The following AUTS2 variants were observed in gnomAD, a reference collection of about 807,000 sequenced individuals.
The protein encoded by AUTS2 is autism susceptibility gene 2 protein.
A neutral mutation model predicts 112.4 loss-of-function variants in AUTS2; 17 were observed. The ratio of observed to expected loss-of-function variants is 0.15; its 90% CI spans 0.10 to 0.23. The LOEUF (loss-of-function observed/expected upper bound fraction) is 0.23, where lower values mean the gene tolerates loss of function less well. Among genes scored for constraint, AUTS2 ranks in the 10% least tolerant of loss-of-function variants. AUTS2 has a pLI of 1.00. For synonymous variants in AUTS2, 751 were observed against 702.7 expected, an observed-to-expected ratio of 1.07 and a Z score of -1.09; for missense variants, 1,510 against 1,701.6, an observed-to-expected ratio of 0.89 and a Z score of 1.98.
intron 1 of AUTS2, among the ~76,000 whole-genome samples, chr7:69,891,444 T>C (rs913685691): frequency 6.6e-6 from 1 of 152,224 alleles, no homozygotes; most frequent in Non-Finnish European, 1.5e-5. Context: ...AGCATTCATG[T>C]GTAGCTCTTC....
At position 70,396,096 on chromosome 7, in the gene AUTS2, A is replaced by G. The variant is rs1334023726; in HGVS notation, c.661-39656A>G. Among the ~76,000 whole-genome samples, 4 of 152,266 alleles carry G rather than the reference A, an allele frequency of 2.6e-5. No homozygotes were observed. The East Asian group carries it at 7.7e-4, about 29-fold the overall frequency. On this transcript the variant is annotated intron_variant, in intron 4 of 18. Transcript: ENST00000342771. ...AAGCTATGTATATTTAAAGTGTACA[A>G]TTTAATAAGTTTTGATCAAAGTACC... is the stretch of plus-strand genomic sequence containing the variant.
chr7:70,245,083 G>A (rs1812827712), intron 4 of AUTS2, among the ~76,000 whole-genome samples: 2 of 138,928 alleles, frequency 1.4e-5, no homozygotes, highest in African/African-American at 5.5e-5. Flanking sequence ...TTGCACCACT[G>A]CACTCCAGCC....
At chr7:69,917,150 A>G (rs535668164) in intron 2 of AUTS2, among the ~76,000 whole-genome samples, 1 of 152,030 alleles carries the variant, frequency 6.6e-6, no homozygotes, top group African/African-American at 2.4e-5. Context: ...AGTAGCTGGG[A>G]CTAAAGGCAT....
intron 1 of AUTS2, among the ~76,000 whole-genome samples, chr7:69,835,934 C>T (rs994348039): frequency 2.0e-5 from 3 of 152,164 alleles, no homozygotes; most frequent in Non-Finnish European, 4.4e-5. Flanking sequence ...AGTATGGACA[C>T]ATTTGAGCAG....
At chr7:69,720,496 A>C (rs988672635) in intron 1 of AUTS2, among the ~76,000 whole-genome samples, 1 of 152,176 alleles carries the variant, frequency 6.6e-6, no homozygotes, top group Non-Finnish European at 1.5e-5. Context: ...AGAGCTTGCC[A>C]TTTCTAGTAA....
chr7:70,485,838 C>T (rs1197145871), intron 5 of AUTS2, among the ~76,000 whole-genome samples: 2 of 152,000 alleles, frequency 1.3e-5, no homozygotes, highest in East Asian at 1.9e-4. Context: ...GCACCTGGAT[C>T]GCCATGCAGG....
intron 2 of AUTS2, among the ~76,000 whole-genome samples, chr7:69,973,772 C>G (rs996168034): frequency 6.6e-6 from 1 of 152,034 alleles, no homozygotes; most frequent in Non-Finnish European, 1.5e-5. Flanking sequence ...TCTTGCAAGC[C>G]TGGAAAAAGT....
intron 5 of AUTS2, among the ~76,000 whole-genome samples, chr7:70,645,335 C>T (rs976471391): frequency 6.6e-6 from 1 of 151,746 alleles, no homozygotes; most frequent in African/African-American, 2.4e-5. Flanking sequence ...CATTCCCCGC[C>T]AAACATTTCT....
intron 5 of AUTS2, among the ~76,000 whole-genome samples, chr7:70,462,686 G>T (rs1352196560): frequency 6.6e-6 from 1 of 152,140 alleles, no homozygotes. Flanking sequence ...GCTGGGTGCA[G>T]TGGCTCACAC....
intron 1 of AUTS2, among the ~76,000 whole-genome samples, chr7:69,737,679 C>A (rs936592894): frequency 5.9e-5 from 9 of 152,076 alleles, no homozygotes; most frequent in African/African-American, 2.2e-4. Flanking sequence ...GAAAGACAGC[C>A]CCTTATACAG....
rs866178263 is a variant in AUTS2, at chr7:70,790,305, G to A, written c.3089G>A (p.Gly1030Asp). 6.2e-7 allele frequency: 1 copy of A among 1,613,584 alleles called. No individual in the cohort carries two copies. Among genetic ancestry groups the A allele is most frequent in the South Asian group, 1.1e-5 (1 of 91,068 alleles). The change falls in exon 19 of 19, where the codon GGC becomes GAC. Residue 1030 changes from glycine (G) to aspartate (D), a missense_variant. Gly to Asp is a moderately conservative substitution (Grantham distance 94, BLOSUM62 -1). Around this residue, in one of 3 missense-constraint regions of AUTS2, gnomAD observed 788 missense variants for 797.6 expected, o/e 0.99. Transcript: ENST00000342771. This position sits in a 1 kb window ranked among gnomAD's most constrained non-coding sequence, Gnocchi z 7.6. ...ASMPMTVGVT[G>D]IHPMNSISSL... Reference sequence around the variant, plus strand: ...ATGCCCATGACGGTGGGGGTGACGGGCATTCACCCCATGAACAGCATCAGC... The same window carrying A: ...ATGCCCATGACGGTGGGGGTGACGGACATTCACCCCATGAACAGCATCAGC...
chr7:69,748,303 T>C (rs1212916734), intron 1 of AUTS2, among the ~76,000 whole-genome samples: 9 of 152,204 alleles, frequency 5.9e-5, no homozygotes, highest in Admixed American at 5.9e-4. Context: ...GGAGACCATA[T>C]CTTTAATTTT....
intron 5 of AUTS2, among the ~76,000 whole-genome samples, chr7:70,448,759 T>C (rs1796417918): frequency 6.6e-6 from 1 of 152,238 alleles, no homozygotes; most frequent in Non-Finnish European, 1.5e-5. Flanking sequence ...TCCAATGCTG[T>C]GCAAGGAGGC....
At chr7:70,618,438 T>G (rs1261081203) in intron 5 of AUTS2, among the ~76,000 whole-genome samples, 1 of 152,140 alleles carries the variant, frequency 6.6e-6, no homozygotes, top group Non-Finnish European at 1.5e-5. Context: ...AGCTCGCAGT[T>G]TATGCCTTCA....
At chr7:70,420,457 T>A (rs1795171916) in intron 4 of AUTS2, among the ~76,000 whole-genome samples, 1 of 152,318 alleles carries the variant, frequency 6.6e-6, no homozygotes, top group African/African-American at 2.4e-5. Context: ...ATTCTCTCCT[T>A]AGATTTATAG....
chr7:69,627,647 G>A (rs545783408), intron 1 of AUTS2, among the ~76,000 whole-genome samples: 1 of 152,284 alleles, frequency 6.6e-6, no homozygotes, highest in Non-Finnish European at 1.5e-5. Flanking sequence ...TGGAGGCTGA[G>A]GCATCCTGTG....
At chr7:69,963,403 A>T (rs1441608032) in intron 2 of AUTS2, among the ~76,000 whole-genome samples, 2 of 152,114 alleles carry the variant, frequency 1.3e-5, no homozygotes, top group East Asian at 3.9e-4. Context: ...AACCGGGTAG[A>T]CTTCTGGTGT....
intron 4 of AUTS2, among the ~76,000 whole-genome samples, chr7:70,258,723 A>C (rs958275854): frequency 6.6e-6 from 1 of 152,208 alleles, no homozygotes; most frequent in Non-Finnish European, 1.5e-5. Context: ...GGACCTAGTC[A>C]AGCATGTGAC....
At chr7:70,297,607 T>A (rs1048511244) in intron 4 of AUTS2, among the ~76,000 whole-genome samples, 12 of 151,668 alleles carry the variant, frequency 7.9e-5, no homozygotes, top group Non-Finnish European at 1.2e-4. Flanking sequence ...TTTTTTTTTT[T>A]ATATTTGTAG....
Sources: allele counts gnomAD v4.1 joint callset (sites outside exome capture counted in the v4.1 genomes callset), GRCh38; gene constraint gnomAD v4.1.1; regional missense constraint gnomAD v4.1.1; non-coding constraint Gnocchi (gnomAD v3.1); transcripts MANE v1.5; gene names NCBI Gene and HGNC (gene_info 2026-07-23, HGNC 2026-07-21).